KATNAL2: variants seen among roughly 807,000 people sequenced by gnomAD.
KATNAL2 encodes katanin catalytic subunit A1 like 2.
A neutral mutation model predicts 76.3 loss-of-function variants in KATNAL2; 52 were observed. The observed-to-expected ratio is 0.68, with a 90% CI of 0.55 to 0.86. KATNAL2 has a LOEUF of 0.86. Among genes scored for constraint, KATNAL2 ranks in the 40% least tolerant of loss-of-function variants. KATNAL2 has a pLI of 0.00. For missense variants in KATNAL2, 660 were observed against 668.9 expected, an observed-to-expected ratio of 0.99 and a Z score of 0.15; for synonymous variants, 243 against 244.2, an observed-to-expected ratio of 1.00 and a Z score of 0.05.
chr18:47,088,987 G>A (rs998255157), intron 15 of KATNAL2, among the ~76,000 whole-genome samples: 1 of 152,184 alleles, frequency 6.6e-6, no homozygotes. Flanking sequence ...TGCTAGTGGG[G>A]AGATTTCCTA....
chr18:47,035,446 C>T (rs1475956073), intron 3 of KATNAL2: 2 of 1,339,900 alleles, frequency 1.5e-6, no homozygotes, highest in African/African-American at 1.5e-5. Flanking sequence ...TGGTCTGGAA[C>T]GGCCGTCCTT....
At chr18:47,095,017 T>C (rs2063168547) in intron 15 of KATNAL2, among the ~76,000 whole-genome samples, 1 of 152,230 alleles carries the variant, frequency 6.6e-6, no homozygotes, top group Non-Finnish European at 1.5e-5. Context: ...GGGGATTCTG[T>C]GACTCAGATT....
intron 1 of KATNAL2, among the ~76,000 whole-genome samples, chr18:46,920,810 A>T (rs1036687336): frequency 6.6e-6 from 1 of 152,184 alleles, no homozygotes; most frequent in African/African-American, 2.4e-5. Context: ...CAACTTCCTT[A>T]TAACATAGTA....
chr18:47,088,782 G>A (rs1218946292), intron 15 of KATNAL2, among the ~76,000 whole-genome samples: 2 of 152,202 alleles, frequency 1.3e-5, no homozygotes, highest in Non-Finnish European at 2.9e-5. Context: ...GTCTCTATCT[G>A]TGGGATTCTT....
intron 1 of KATNAL2, among the ~76,000 whole-genome samples, chr18:46,943,938 T>C (rs1039650758): frequency 1.3e-4 from 20 of 152,252 alleles, no homozygotes; most frequent in African/African-American, 4.8e-4. Flanking sequence ...AGCATGATTG[T>C]AGGGCTCACC....
At chr18:47,040,131 T>C (rs2060913856) in intron 3 of KATNAL2, among the ~76,000 whole-genome samples, 1 of 152,224 alleles carries the variant, frequency 6.6e-6, no homozygotes, top group East Asian at 1.9e-4. Context: ...ATACTACTCC[T>C]GGTACAGCAG....
intron 15 of KATNAL2, among the ~76,000 whole-genome samples, chr18:47,090,877 C>G (rs1257526069): frequency 6.6e-6 from 1 of 152,182 alleles, no homozygotes; most frequent in East Asian, 1.9e-4. Context: ...ACAAAGTACC[C>G]TTCAATGCTT....
chr18:47,100,124 T>G, intron 16 of KATNAL2, 130 bp from the exon 17 acceptor site: 2 of 632,806 alleles, frequency 3.2e-6, no homozygotes, highest in Non-Finnish European at 5.6e-6. Context: ...CTGGGAATCT[T>G]TTTAGGATGT....
intron 3 of KATNAL2, among the ~76,000 whole-genome samples, chr18:47,040,913 T>C (rs2060941330): frequency 1.3e-5 from 2 of 152,248 alleles, no homozygotes; most frequent in African/African-American, 4.8e-5. Flanking sequence ...CTATATTGAA[T>C]ACAATTTTAT....
chr18:47,099,157 C>T, intron 15 of KATNAL2, 86 bp from the exon 16 acceptor site: 1 of 1,350,914 alleles, frequency 7.4e-7, no homozygotes, highest in Non-Finnish European at 1.0e-6. Flanking sequence ...TTGCTTCCTG[C>T]AATGCTAAAT....
Position 47,034,149 on chromosome 18 carries a change from C to A in KATNAL2, c.52-12308C>A, listed in dbSNP as rs149697053. On this transcript the variant is annotated intron_variant, in intron 3 of 17. Coordinates refer to ENST00000683218, the MANE Select transcript of KATNAL2 (RefSeq NM_001387690.1). ...GAGTGGGCTGCTCGAATTCCTCAGC[C>A]ATATCTACCTCCTCCACCTCAGAGA... is the stretch of plus-strand genomic sequence containing the variant. 6.3e-4 allele frequency: 1,021 copies of A among 1,614,206 alleles called. 3 individuals carry two copies. The African/African-American group carries it at 0.013, about 20-fold the overall frequency.
At chr18:46,961,573 C>T (rs1227124576) in intron 3 of KATNAL2, among the ~76,000 whole-genome samples, 1 of 152,212 alleles carries the variant, frequency 6.6e-6, no homozygotes, top group African/African-American at 2.4e-5. Context: ...TTTAAATTCT[C>T]CCCTAGCTGA....
chr18:46,955,044 G>A (rs1345729327), intron 3 of KATNAL2, among the ~76,000 whole-genome samples: 1 of 151,796 alleles, frequency 6.6e-6, no homozygotes, highest in East Asian at 1.9e-4. Context: ...TAAGTCAGCT[G>A]GTGTTTATCC....
chr18:47,035,558 CCAG>C, intron 3 of KATNAL2: 1 of 615,350 alleles, frequency 1.6e-6, no homozygotes, highest in African/African-American at 1.9e-5. Context: ...AGCTCTGGTG[CCAG>C]AGCTGGGCCT....
chr18:46,948,888 T>TTGTGTGTGTGTGTG (rs71264810), intron 3 of KATNAL2, among the ~76,000 whole-genome samples: 2,326 of 145,820 alleles, frequency 0.016, 68 homozygotes, highest in African/African-American at 0.055. Flanking sequence ...AGTATCTGCA[T>TTGTGTGTGTGTGTG]TGTGTGTGTG....
At chr18:47,086,112 T>C (rs944933725) in intron 15 of KATNAL2, among the ~76,000 whole-genome samples, 17 of 152,032 alleles carry the variant, frequency 1.1e-4, no homozygotes, top group African/African-American at 3.1e-4. Context: ...AAAAATGCTA[T>C]TGTGCTTTGT....
At chr18:47,056,304 G>T (rs1457434338) in intron 6 of KATNAL2, among the ~76,000 whole-genome samples, 1 of 152,212 alleles carries the variant, frequency 6.6e-6, no homozygotes, top group African/African-American at 2.4e-5. Context: ...CCAACAGTGT[G>T]ACATGAGTGC....
In KATNAL2 at chr18:47,034,562, G is replaced by A. The variant is rs760649410; in HGVS notation, c.52-11895G>A. Reference sequence around the variant, plus strand: ...CAATCTCCCTGGGCACACAAGGGGCGTTTTTCCTGGCGAGACGATTTGTGC... The same window carrying A: ...CAATCTCCCTGGGCACACAAGGGGCATTTTTCCTGGCGAGACGATTTGTGC... On this transcript the variant is annotated intron_variant, in intron 3 of 17. Transcript: ENST00000683218. 3.7e-6 allele frequency: 6 copies of A among 1,614,056 alleles called. No individual in the cohort carries two copies. The Admixed American group carries it at 5.0e-5, about 13-fold the overall frequency.
At chr18:47,081,168 C>CT (rs897116399) in intron 15 of KATNAL2, among the ~76,000 whole-genome samples, 10 of 150,950 alleles carry the variant, frequency 6.6e-5, no homozygotes, top group Admixed American at 2.6e-4. Flanking sequence ...TTTTTTATTC[C>CT]TTTTTTTTCT....
Sources: allele counts gnomAD v4.1 joint callset (sites outside exome capture counted in the v4.1 genomes callset), GRCh38; gene constraint gnomAD v4.1.1; transcripts MANE v1.5; gene names NCBI Gene and HGNC (gene_info 2026-07-23, HGNC 2026-07-21).